Variants in SCN2A observed in about 807,000 individuals in gnomAD.
SCN2A encodes the protein sodium voltage-gated channel alpha subunit 2.
A neutral mutation model predicts 188.7 loss-of-function variants in SCN2A; 20 were observed. The observed-to-expected ratio is 0.11, with a 90% CI of 0.07 to 0.15. SCN2A has a LOEUF of 0.15. SCN2A is among the 10% of genes least tolerant of loss of function. SCN2A has a pLI of 1.00. For missense variants in SCN2A, 1,278 were observed against 2,445.0 expected (o/e 0.52, Z 10.07); for synonymous variants, 804 against 833.1 (o/e 0.97, Z 0.60).
At chr2:165,364,054 A>C (rs182556262) in intron 17 of SCN2A, among the ~76,000 whole-genome samples, 31 of 152,322 alleles carry the variant, frequency 2.0e-4, no homozygotes, top group African/African-American at 6.7e-4. Flanking sequence ...TATAAATATA[A>C]CATTTACAGT....
Position 165,389,869 on chromosome 2 carries a change from C to G in SCN2A, c.*45C>G. The G allele has an allele frequency of 6.5e-7, 1 of 1,549,702 alleles. No individual in the cohort carries two copies. Among genetic ancestry groups the G allele is most frequent in the South Asian group, 1.2e-5 (1 of 84,212 alleles). On this transcript the variant is annotated 3_prime_UTR_variant, in exon 27 of 27. Coordinates refer to ENST00000375437, the MANE Select transcript of SCN2A (RefSeq NM_001040142.2). The surrounding 1 kb of genome is among the most constrained non-coding windows in gnomAD (Gnocchi z 4.2). The stretch of plus-strand genomic sequence containing the variant: ...CATTTTGTGATCAATTGTTTACAGC[C>G]CGTGATGGTGATGTGTTTGTGTCAA...
chr2:165,262,262 G>T (rs1322194627), intron 1 of SCN2A, among the ~76,000 whole-genome samples: 1 of 152,084 alleles, frequency 6.6e-6, no homozygotes, highest in Non-Finnish European at 1.5e-5. Context: ...AACTGGTGGT[G>T]TTTGGTTACA....
intron 16 of SCN2A, among the ~76,000 whole-genome samples, chr2:165,345,784 C>T (rs1000098009): frequency 9.2e-5 from 14 of 152,072 alleles, no homozygotes; most frequent in African/African-American, 3.4e-4. Context: ...TCATTAGCTG[C>T]TGCGGTTTTT....
At chr2:165,332,242 T>G (rs1471311086) in intron 14 of SCN2A, among the ~76,000 whole-genome samples, 1 of 151,990 alleles carries the variant, frequency 6.6e-6, no homozygotes, top group Non-Finnish European at 1.5e-5. Flanking sequence ...GCTTGATAAA[T>G]GAACATATAA....
chr2:165,246,253 C>T (rs1574427961), intron 1 of SCN2A, among the ~76,000 whole-genome samples: 1 of 152,154 alleles, frequency 6.6e-6, no homozygotes, highest in Non-Finnish European at 1.5e-5. Flanking sequence ...GGAATTTTCT[C>T]CACTGGCACT....
At chr2:165,318,993 G>A (rs1427484259) in intron 11 of SCN2A, among the ~76,000 whole-genome samples, 2 of 152,186 alleles carry the variant, frequency 1.3e-5, no homozygotes, top group East Asian at 3.8e-4. Flanking sequence ...AAAAGCATGG[G>A]AACAACAAGA....
chr2:165,382,537 G>T (rs1462575405), intron 25 of SCN2A, among the ~76,000 whole-genome samples: 3 of 151,922 alleles, frequency 2.0e-5, no homozygotes, highest in African/African-American at 7.3e-5. Context: ...GAGGGAGGAT[G>T]CAATGAAAAA....
intron 1 of SCN2A, among the ~76,000 whole-genome samples, chr2:165,282,930 G>A (rs1446453795): frequency 6.6e-6 from 1 of 152,132 alleles, no homozygotes; most frequent in Non-Finnish European, 1.5e-5. Context: ...AGGAATCAAG[G>A]ATGGCTGTAA....
intron 3 of SCN2A, among the ~76,000 whole-genome samples, chr2:165,303,310 CTG>C (rs1696934059): frequency 8.4e-6 from 1 of 118,832 alleles, no homozygotes; most frequent in Non-Finnish European, 1.6e-5. Flanking sequence ...GGTTCTCGCT[CTG>C]TCGCCCTGGC....
chr2:165,311,726 T>G (rs917045945), intron 7 of SCN2A, among the ~76,000 whole-genome samples: 5 of 152,156 alleles, frequency 3.3e-5, no homozygotes, highest in Admixed American at 2.6e-4. Flanking sequence ...TCTTTCTTAA[T>G]GTATCCCATG....
chr2:165,304,309 G>A (rs1696998210), intron 3 of SCN2A, among the ~76,000 whole-genome samples: 1 of 152,084 alleles, frequency 6.6e-6, no homozygotes, highest in Non-Finnish European at 1.5e-5. Context: ...TACCCGGGCT[G>A]GTCTCAAACT....
intron 11 of SCN2A, among the ~76,000 whole-genome samples, chr2:165,316,868 C>A (rs933470605): frequency 6.6e-5 from 10 of 152,040 alleles, no homozygotes; most frequent in South Asian, 2.1e-4. Flanking sequence ...TGTCATATAG[C>A]AATAGAAAAA....
rs1309809695 is a variant in SCN2A, at chr2:165,308,731, T to C, written c.542T>C (p.Leu181Ser). The change falls in exon 5 of 27, where the codon TTA becomes TCA. Residue 181 changes from leucine to serine, a missense_variant. Around this residue, in one of 17 missense-constraint regions of SCN2A, gnomAD observed 37 missense variants for 154.9 expected, o/e 0.24. Coordinates refer to ENST00000375437, the MANE Select transcript of SCN2A (RefSeq NM_001040142.2). ...LIKILARGFC[L>S]EDFTFLRDPW... ...AAAATACTTGCAAGGGGCTTTTGTT[T>C]AGAAGATTTCACATTTTTACGGGAT... is the stretch of plus-strand genomic sequence containing the variant. The C allele has an allele frequency of 1.2e-6, 2 of 1,612,980 alleles. No homozygotes were observed. Among genetic ancestry groups the C allele is most frequent in the Admixed American group, 3.3e-5 (2 of 59,988 alleles).
chr2:165,254,635 G>A (rs1694240587), intron 1 of SCN2A, among the ~76,000 whole-genome samples: 2 of 151,594 alleles, frequency 1.3e-5, no homozygotes, highest in South Asian at 4.2e-4. Context: ...TTAATTTCCT[G>A]ATCAAGTTTT....
At chr2:165,334,870 TAC>T (rs143838903) in intron 14 of SCN2A, among the ~76,000 whole-genome samples, 26 of 148,196 alleles carry the variant, frequency 1.8e-4, no homozygotes, top group Non-Finnish European at 2.4e-4. Flanking sequence ...TCCTATAAAA[TAC>T]ACACACACAC....
At chr2:165,242,404 A>C (rs1218064843) in intron 1 of SCN2A, among the ~76,000 whole-genome samples, 1 of 152,166 alleles carries the variant, frequency 6.6e-6, no homozygotes, top group Non-Finnish European at 1.5e-5. Flanking sequence ...AGGTAAATTG[A>C]ATATCAAAAT....
At chr2:165,248,177 A>G (rs35513078) in intron 1 of SCN2A, among the ~76,000 whole-genome samples, 19,748 of 152,030 alleles carry the variant, frequency 0.13, 1,619 homozygotes, top group East Asian at 0.37. Flanking sequence ...CTTACAATCT[A>G]TTCTCAATAC....
chr2:165,271,782 G>T (rs1695115866), intron 1 of SCN2A: 1 of 151,268 alleles, frequency 6.6e-6, no homozygotes. Flanking sequence ...AGTTTTACCA[G>T]TTCAAAAACT....
chr2:165,361,525 A>C (rs1700458489), intron 17 of SCN2A, among the ~76,000 whole-genome samples: 1 of 152,060 alleles, frequency 6.6e-6, no homozygotes, highest in Non-Finnish European at 1.5e-5. Flanking sequence ...TTTTCACAAG[A>C]CGATAAAACT....
Sources: gnomAD v4.1 joint callset for allele counts (sites outside exome capture counted in the v4.1 genomes callset) on GRCh38, gnomAD v4.1.1 for gene constraint, gnomAD v4.1.1 regional missense constraint, Gnocchi (gnomAD v3.1) non-coding constraint, MANE v1.5 for transcripts, NCBI Gene and HGNC (gene_info 2026-07-23, HGNC 2026-07-21) for gene names.